The following R3HDM2 variants were observed in gnomAD, a reference collection of about 807,000 sequenced individuals.
R3HDM2 encodes the protein R3H domain-containing protein 2.
In R3HDM2, 38 loss-of-function variants were observed where a neutral mutation model predicts 124.5. The ratio of observed to expected loss-of-function variants is 0.31; its 90% CI spans 0.24 to 0.40. The LOEUF (loss-of-function observed/expected upper bound fraction) is 0.40. R3HDM2 is among the 10% of genes least tolerant of loss of function. R3HDM2 has a pLI of 1.00. For synonymous variants in R3HDM2, 391 were observed against 448.0 expected (o/e 0.87, Z 1.61); for missense variants, 869 against 1,236.9 (o/e 0.70, Z 4.46).
At chr12:57,365,900 CACTCCAGACTGGGCGACAGAGCAAG>C in intron 2 of R3HDM2, among the ~76,000 whole-genome samples, 1 of 149,868 alleles carries the variant, frequency 6.7e-6, no homozygotes, top group Non-Finnish European at 1.5e-5. Context: ...TGCAACACTG[CACTCCAGACTGGGCGACAGAGCAAG>C]ACTCCATCTC....
chr12:57,346,327 G>A (rs566308037), intron 2 of R3HDM2, among the ~76,000 whole-genome samples: 8 of 151,498 alleles, frequency 5.3e-5, no homozygotes, highest in East Asian at 1.9e-4. Flanking sequence ...GCATGGTGGC[G>A]GGCGCCTGTA....
chr12:57,395,115 CAGGAGAATCATTTGAACTCAGG>C (rs1207376806), intron 2 of R3HDM2, among the ~76,000 whole-genome samples: 3 of 151,916 alleles, frequency 2.0e-5, no homozygotes, highest in Non-Finnish European at 4.4e-5. Flanking sequence ...GAGGCTGAGG[CAGGAGAATCATTTGAACTCAGG>C]AGGCACAGGT....
At chr12:57,423,355 C>T (rs566521259) in intron 1 of R3HDM2, among the ~76,000 whole-genome samples, 4 of 151,666 alleles carry the variant, frequency 2.6e-5, no homozygotes, top group African/African-American at 9.7e-5. Context: ...ACCCAGGAGG[C>T]GGAGGGTGCA....
intron 1 of R3HDM2, among the ~76,000 whole-genome samples, chr12:57,419,144 CTTT>C (rs923524630): frequency 4.3e-5 from 6 of 139,260 alleles, no homozygotes; most frequent in South Asian, 2.3e-4. Context: ...TTCTCCTTTC[CTTT>C]TTTTTTTTTT....
intron 2 of R3HDM2, among the ~76,000 whole-genome samples, chr12:57,358,322 C>G (rs1405676938): frequency 6.6e-6 from 1 of 151,928 alleles, no homozygotes; most frequent in Non-Finnish European, 1.5e-5. Flanking sequence ...TATGTTTTGT[C>G]ATAAAGGGAT....
rs1365830320 is a variant in R3HDM2, at chr12:57,296,238, G to A, written c.701+173C>T. 4.0e-5 allele frequency among the ~76,000 whole-genome samples: 6 copies of A among 150,350 alleles called. No individual in the cohort carries two copies. The highest frequency in any genetic ancestry group is 6.7e-5 in the Admixed American group (1 of 15,030). ...TTGCTGTGTTGACCAGGCTGGTCTC[G>A]AACTCCTGGCTTCAAGCAGTCTTCC... On this transcript the variant is annotated intron_variant, in intron 9 of 23. Transcript: ENST00000402412. This position sits in a 1 kb window ranked among gnomAD's most constrained non-coding sequence, Gnocchi z 4.5.
intron 2 of R3HDM2, among the ~76,000 whole-genome samples, chr12:57,384,874 CG>C (rs1566435169): frequency 2.0e-5 from 3 of 152,148 alleles, no homozygotes; most frequent in African/African-American, 7.2e-5. Context: ...CCAGGCCAGG[CG>C]TGGTCGCTCA....
chr12:57,295,874 T>G (rs1312402909), intron 9 of R3HDM2, among the ~76,000 whole-genome samples: 2 of 152,108 alleles, frequency 1.3e-5, no homozygotes, highest in African/African-American at 2.4e-5. Flanking sequence ...AAAAAATTTT[T>G]TTTGTTTGTT....
At chr12:57,343,628 C>T (rs2059809039) in intron 2 of R3HDM2, among the ~76,000 whole-genome samples, 1 of 151,954 alleles carries the variant, frequency 6.6e-6, no homozygotes, top group South Asian at 2.1e-4. Flanking sequence ...CTGATGAAAA[C>T]AATAAAACCT....
chr12:57,363,972 A>C (rs1202324709), intron 2 of R3HDM2, among the ~76,000 whole-genome samples: 1 of 152,048 alleles, frequency 6.6e-6, no homozygotes, highest in Non-Finnish European at 1.5e-5. Context: ...TCAATTTTGA[A>C]AGGTATTTTC....
chr12:57,407,561 G>A (rs930936619), intron 1 of R3HDM2, among the ~76,000 whole-genome samples: 94 of 149,248 alleles, frequency 6.3e-4, no homozygotes, highest in African/African-American at 1.7e-3. Flanking sequence ...GTCTGCCACC[G>A]TGCCCAGCTA....
At chr12:57,360,645 A>G (rs1321322100) in intron 2 of R3HDM2, among the ~76,000 whole-genome samples, 1 of 151,716 alleles carries the variant, frequency 6.6e-6, no homozygotes, top group Non-Finnish European at 1.5e-5. Flanking sequence ...AAAGGAAGGG[A>G]AGGGGAAAGG....
chr12:57,382,812 G>T (rs897849686), intron 2 of R3HDM2, among the ~76,000 whole-genome samples: 2 of 151,616 alleles, frequency 1.3e-5, no homozygotes, highest in African/African-American at 4.8e-5. Context: ...CTCCAGCCTG[G>T]GCGACAGAGA....
chr12:57,422,418 G>A (rs141092917), intron 1 of R3HDM2, among the ~76,000 whole-genome samples: 25 of 152,158 alleles, frequency 1.6e-4, no homozygotes, highest in African/African-American at 4.6e-4. Flanking sequence ...ATCCCATTCC[G>A]TGCAGTTTGG....
Position 57,290,580 on chromosome 12 carries a change from T to C in R3HDM2, c.907-1540A>G, listed in dbSNP as rs750466293. Among the ~76,000 whole-genome samples the C allele has an allele frequency of 3.9e-5, 6 of 152,348 alleles. 1 individual carries two copies. Among genetic ancestry groups the C allele is most frequent in the Admixed American group, 1.3e-4 (2 of 15,306 alleles). On this transcript the variant is annotated intron_variant, in intron 11 of 23. Coordinates refer to ENST00000402412, the MANE Select transcript of R3HDM2 (RefSeq NM_001394031.1). ...AGTACTAAGAACAATGCCTAAAAGA[T>C]AGTAAGTGCTATATAAGTGCTTGCT...
In R3HDM2 at chr12:57,254,847, C is replaced by T. The variant is rs1030841472; in HGVS notation, c.2899G>A (p.Val967Met). The T allele has an allele frequency of 8.7e-6, 14 of 1,613,158 alleles. No homozygotes were observed. The highest frequency in any genetic ancestry group is 1.1e-5 in the South Asian group (1 of 91,012). Residue 967 changes from valine (V) to methionine (M), a missense_variant, in exon 24 of 24, where the codon GTG (valine) becomes ATG (methionine). This residue lies in a region of R3HDM2 where 602 missense variants were observed against 789.2 expected (regional missense o/e 0.76). Transcript: ENST00000402412. ...GCCATTCGAAGTTTGAAGCGACTCA[C>T]GGAGTTGTTGAGACGAAGGGAGGCA... ...QNASLRLNNS[V>M]SRFKLRMAKK...
At chr12:57,304,033 C>T (rs1410857564) in intron 3 of R3HDM2, among the ~76,000 whole-genome samples, 1 of 152,034 alleles carries the variant, frequency 6.6e-6, no homozygotes, top group Non-Finnish European at 1.5e-5. Context: ...CTTATAATAT[C>T]TTTATAGGAC....
chr12:57,388,331 T>A (rs1237023907), intron 2 of R3HDM2, among the ~76,000 whole-genome samples: 1 of 152,216 alleles, frequency 6.6e-6, no homozygotes, highest in African/African-American at 2.4e-5. Flanking sequence ...CTGGGGCCAG[T>A]GTCATGCAGG....
chr12:57,398,631 G>T (rs1040750194), intron 1 of R3HDM2, among the ~76,000 whole-genome samples: 1 of 152,066 alleles, frequency 6.6e-6, no homozygotes, highest in African/African-American at 2.4e-5. Context: ...TGGGATTACA[G>T]GTGCCCGCCA....
Sources: gnomAD v4.1 joint callset for allele counts (sites outside exome capture counted in the v4.1 genomes callset) on GRCh38, gnomAD v4.1.1 for gene constraint, gnomAD v4.1.1 regional missense constraint, Gnocchi (gnomAD v3.1) non-coding constraint, MANE v1.5 for transcripts, NCBI Gene and HGNC (gene_info 2026-07-23, HGNC 2026-07-21) for gene names.